Variants in TRARG1 observed in about 807,000 individuals in gnomAD.
TRARG1 encodes the protein trafficking regulator of GLUT4 1.
In TRARG1, 16 loss-of-function variants were observed where a neutral mutation model predicts 13.3. That is an observed-to-expected ratio of 1.20 (90% confidence interval 0.81 to 1.83). The LOEUF (loss-of-function observed/expected upper bound fraction) is 1.83. Ranked by LOEUF, TRARG1 falls within the 40% of genes most tolerant of loss-of-function variation. The pLI is 0.00. For missense variants in TRARG1, 250 were observed against 237.4 expected, an observed-to-expected ratio of 1.05 and a Z score of -0.35; for synonymous variants, 113 against 106.2, an observed-to-expected ratio of 1.06 and a Z score of -0.39.
At chr17:1,294,401 G>A (rs899475495) in intron 1 of TRARG1, among the ~76,000 whole-genome samples, 6 of 151,808 alleles carry the variant, frequency 4.0e-5, no homozygotes, top group African/African-American at 9.7e-5. Flanking sequence ...TGTGTGATCC[G>A]GGAAGTGGGC....
chr17:1,292,924 TACAG>T (rs1450618012), intron 1 of TRARG1, among the ~76,000 whole-genome samples: 2 of 152,000 alleles, frequency 1.3e-5, no homozygotes, highest in Non-Finnish European at 2.9e-5. Flanking sequence ...CTGTTACAAA[TACAG>T]ACAGTGTGAA....
rs2071963859 is a variant in TRARG1 at position 1,280,319 on chromosome 17, C to A, written c.318C>A (p.Ile106=). 2 of 1,613,656 alleles carry A rather than the reference C, an allele frequency of 1.2e-6. No individual in the cohort carries two copies. The highest frequency in any genetic ancestry group is 1.7e-6 in the Non-Finnish European group (2 of 1,179,864). ...AAGAAGCCCCCAGAGATTACCTCAT[C>A]CTGGCCGTCGTCGCCTGCTTCTGCC... ...QDQEAPRDYL[I]LAVVACFCPV... is the part of the protein sequence containing the mutation. Residue 106 remains isoleucine (I), a synonymous_variant, in exon 1 of 3, where the codon ATC becomes ATA. Coordinates refer to ENST00000333813, the MANE Select transcript of TRARG1 (RefSeq NM_172367.3).
Position 1,299,380 on chromosome 17 carries a change from G to T in TRARG1, c.*1116G>T, listed in dbSNP as rs1429945428. The stretch of plus-strand genomic sequence containing the variant: ...CGTGGGTCAGAGAGTTTTTATGGGG[G>T]TCTGTTGTTTGACCGTCCTGAGACC... On this transcript the variant is annotated 3_prime_UTR_variant, in exon 3 of 3. Transcript: ENST00000333813. 1 of 152,232 alleles carries T rather than the reference G, an allele frequency of 6.6e-6. No individual in the cohort carries two copies. The highest frequency in any genetic ancestry group is 1.5e-5 in the Non-Finnish European group (1 of 68,076). 9.4% of individuals were successfully genotyped at this position (152,232 alleles called of 1,614,324 possible). A position where few individuals can be genotyped will look rare whatever the true frequency, so the allele number is the denominator to read the frequency against.
chr17:1,292,334 C>G (rs767371880), intron 1 of TRARG1, among the ~76,000 whole-genome samples: 2 of 152,212 alleles, frequency 1.3e-5, no homozygotes, highest in African/African-American at 4.8e-5. Context: ...CTCCCTGCCT[C>G]CCCTCTGTTC....
chr17:1,296,080 C>G (rs1444002881), intron 2 of TRARG1, among the ~76,000 whole-genome samples: 1 of 152,172 alleles, frequency 6.6e-6, no homozygotes. Flanking sequence ...CCGGGGAACC[C>G]CAGAAGCAAG....
At chr17:1,288,452 A>C (rs1449967865) in intron 1 of TRARG1, among the ~76,000 whole-genome samples, 2 of 31,758 alleles carry the variant, frequency 6.3e-5, no homozygotes, top group South Asian at 1.4e-3. Flanking sequence ...CCCATCCCCC[A>C]CGGGTTCCTC....
chr17:1,280,627 G>A (rs1475361106), intron 1 of TRARG1, among the ~76,000 whole-genome samples: 1 of 152,146 alleles, frequency 6.6e-6, no homozygotes, highest in Non-Finnish European at 1.5e-5. Flanking sequence ...GCTCGACTTT[G>A]CACCTGTGTC....
At chr17:1,292,892 G>A (rs75834035) in intron 1 of TRARG1, among the ~76,000 whole-genome samples, 2,207 of 152,286 alleles carry the variant, frequency 0.014, 42 homozygotes, top group South Asian at 0.071. Context: ...GCGCTGCTGC[G>A]TCCTGGGGTC....
chr17:1,280,682 C>T (rs926662632), intron 1 of TRARG1, among the ~76,000 whole-genome samples: 2 of 152,142 alleles, frequency 1.3e-5, no homozygotes, highest in Admixed American at 6.6e-5. Context: ...ATACATCCCG[C>T]GGGGCAGAAA....
In TRARG1 at chr17:1,290,920, T is replaced by TC. The variant is rs1555631780; in HGVS notation, c.388-4570dup. On this transcript the variant is annotated intron_variant, in intron 1 of 2. Transcript: ENST00000333813. ...GATCTGATGGATTTTTTTTTTTTTT[T>TC]CTGAGCCAGAGTTTCGTTGTTGTGG... Among the ~76,000 whole-genome samples the TC allele has an allele frequency of 2.6e-5, 4 of 151,272 alleles. No homozygotes were observed. In the East Asian group the frequency reaches 5.8e-4, roughly 22 times the overall value.
intron 1 of TRARG1, among the ~76,000 whole-genome samples, chr17:1,286,233 G>A (rs1051648965): frequency 6.6e-6 from 1 of 152,222 alleles, no homozygotes; most frequent in African/African-American, 2.4e-5. Context: ...AAGGTCGTTT[G>A]CTAAGAACTA....
chr17:1,296,251 C>T (rs1485221660), intron 2 of TRARG1, among the ~76,000 whole-genome samples: 1 of 152,176 alleles, frequency 6.6e-6, no homozygotes, highest in Non-Finnish European at 1.5e-5. Flanking sequence ...GGCTGGAGTG[C>T]AGTGGTGCGA....
chr17:1,296,520 T>C (rs1157552265), intron 2 of TRARG1, among the ~76,000 whole-genome samples: 1 of 145,830 alleles, frequency 6.9e-6, no homozygotes, highest in Non-Finnish European at 1.5e-5. Flanking sequence ...CTCTTTCTTT[T>C]TTTTTTTTTG....
Position 1,298,250 on chromosome 17 carries a change from G to C in TRARG1, c.521-1G>C. On this transcript the variant is annotated splice_acceptor_variant, in intron 2 of 2. Coordinates refer to ENST00000333813, the MANE Select transcript of TRARG1 (RefSeq NM_172367.3). LOFTEE classifies it high-confidence loss of function. ...GCCATATCTGTTTTTTTTCTTTACA[G>C]TTCAGAAGAAATAAACTTAAGCAGG... 6.2e-7 allele frequency: 1 copy of C among 1,613,724 alleles called. No homozygotes were observed. The highest frequency in any genetic ancestry group is 8.5e-7 in the Non-Finnish European group (1 of 1,179,834).
At chr17:1,284,673 T>TTTTA (rs58667901) in intron 1 of TRARG1, among the ~76,000 whole-genome samples, 66,052 of 149,928 alleles carry the variant, frequency 0.44, 14,915 homozygotes, top group Admixed American at 0.57. Flanking sequence ...AATGTGCCTC[T>TTTTA]TTTATTTATT....
At chr17:1,286,159 A>G (rs1428867476) in intron 1 of TRARG1, among the ~76,000 whole-genome samples, 1 of 152,230 alleles carries the variant, frequency 6.6e-6, no homozygotes, top group Non-Finnish European at 1.5e-5. Flanking sequence ...GGCCGATGGA[A>G]CTGCTCAGAG....
intron 1 of TRARG1, among the ~76,000 whole-genome samples, chr17:1,282,370 G>A (rs144699210): frequency 2.2e-3 from 325 of 147,718 alleles, no homozygotes; most frequent in African/African-American, 7.2e-3. Context: ...ATATATGTAC[G>A]TATATGTATA....
intron 1 of TRARG1, among the ~76,000 whole-genome samples, chr17:1,282,277 TATATGTAC>T (rs2071986892): frequency 6.9e-6 from 1 of 144,048 alleles, no homozygotes; most frequent in African/African-American, 2.6e-5. Flanking sequence ...TATATGCACG[TATATGTAC>T]ATATATGTAC....
chr17:1,284,040 G>A (rs1369633002), intron 1 of TRARG1, among the ~76,000 whole-genome samples: 8 of 151,890 alleles, frequency 5.3e-5, no homozygotes, highest in South Asian at 2.1e-4. Context: ...GCGTGAATCC[G>A]GGAGGCGGAG....
Sources: gnomAD v4.1 joint callset for allele counts (sites outside exome capture counted in the v4.1 genomes callset) on GRCh38, gnomAD v4.1.1 for gene constraint, MANE v1.5 for transcripts, NCBI Gene and HGNC (gene_info 2026-07-23, HGNC 2026-07-21) for gene names.